TMEM163: variants seen among roughly 807,000 people sequenced by gnomAD.
The protein encoded by TMEM163 is transmembrane protein 163.
Under a neutral mutation model 29.3 loss-of-function variants are expected in TMEM163, and 17 were observed. The ratio of observed to expected loss-of-function variants is 0.58; its 90% CI spans 0.40 to 0.87. The LOEUF (loss-of-function observed/expected upper bound fraction) is 0.87, where lower values mean the gene tolerates loss of function less well. TMEM163 is among the 40% of genes least tolerant of loss of function. TMEM163 has a pLI of 0.00. For synonymous variants in TMEM163, 157 were observed against 160.6 expected, an observed-to-expected ratio of 0.98 and a Z score of 0.17; for missense variants, 303 against 381.5, an observed-to-expected ratio of 0.79 and a Z score of 1.71.
rs148442343 is a variant in TMEM163 at position 134,478,188 on chromosome 2, A to T, written c.556-11963T>A. Among the ~76,000 whole-genome samples the T allele has an allele frequency of 2.0e-5, 3 of 152,192 alleles. No individual in the cohort carries two copies. The South Asian group carries it at 6.2e-4, about 32-fold the overall frequency. ...TCCAGCAGATGTTGGTGCCATGATT[A>T]TACAGCCTGTAGAACCATGAGTCAG... On this transcript the variant is annotated intron_variant, in intron 5 of 7. Coordinates refer to ENST00000281924, the MANE Select transcript of TMEM163 (RefSeq NM_030923.5).
At chr2:134,501,531 G>C (rs1198559320) in intron 5 of TMEM163, among the ~76,000 whole-genome samples, 1 of 152,332 alleles carries the variant, frequency 6.6e-6, no homozygotes, top group Non-Finnish European at 1.5e-5. Flanking sequence ...ATTTCTCAGA[G>C]TGGAGGCATA....
Position 134,561,940 on chromosome 2 carries a change from G to C in TMEM163, c.323-9849C>G, listed in dbSNP as rs1421347676. ...AATTTGATAAAACATACATTTTAAA[G>C]CCTTATGTTTCCCTTAATCATAGAA... On this transcript the variant is annotated intron_variant, in intron 2 of 7. Coordinates refer to ENST00000281924, the MANE Select transcript of TMEM163 (RefSeq NM_030923.5). Among the ~76,000 whole-genome samples the C allele has an allele frequency of 2.6e-5, 4 of 152,310 alleles. No homozygotes were observed. The East Asian group carries it at 7.7e-4, about 29-fold the overall frequency.
chr2:134,616,005 C>A (rs1682602207), intron 2 of TMEM163, among the ~76,000 whole-genome samples: 1 of 152,080 alleles, frequency 6.6e-6, no homozygotes, highest in South Asian at 2.1e-4. Context: ...GATCAAGATC[C>A]TGAAGCATTT....
At chr2:134,583,528 C>T (rs1254748068) in intron 2 of TMEM163, among the ~76,000 whole-genome samples, 6 of 152,144 alleles carry the variant, frequency 3.9e-5, no homozygotes, top group East Asian at 1.9e-4. Flanking sequence ...GAGAAGGCCA[C>T]GACCCCTAGA....
chr2:134,592,804 T>A (rs56253582), intron 2 of TMEM163, among the ~76,000 whole-genome samples: 1 of 151,264 alleles, frequency 6.6e-6, no homozygotes, highest in African/African-American at 2.4e-5. Flanking sequence ...TAGATATAGA[T>A]AGATAGACTA....
chr2:134,541,795 CACACACAT>C lies in TMEM163; in HGVS notation c.458+8767_458+8774del, dbSNP rs1376115353. Among the ~76,000 whole-genome samples, 1,506 of 151,146 alleles carry C rather than the reference CACACACAT, an allele frequency of 1.0e-2. 23 individuals are homozygous for C. Among genetic ancestry groups the C allele is most frequent in the African/African-American group, 0.035 (1,425 of 41,118 alleles). Reference sequence around the variant, plus strand: ...GTGCACACACACACACACACACACACACACACATACACACACACGGAGCATACATCAAA... The same window carrying C: ...GTGCACACACACACACACACACACACACACACACACGGAGCATACATCAAA... On this transcript the variant is annotated intron_variant, in intron 4 of 7. Transcript: ENST00000281924.
chr2:134,504,198 C>T (rs540122), intron 4 of TMEM163, among the ~76,000 whole-genome samples: 60,576 of 152,088 alleles, frequency 0.4, 12,267 homozygotes, highest in South Asian at 0.59. Context: ...CCATCCTCCA[C>T]ATTTAGGAGT....
At chr2:134,512,557 G>C (rs1331593746) in intron 4 of TMEM163, among the ~76,000 whole-genome samples, 1 of 152,198 alleles carries the variant, frequency 6.6e-6, no homozygotes, top group Non-Finnish European at 1.5e-5. Flanking sequence ...ATGTTCCAGG[G>C]AAAAGGAAGG....
chr2:134,578,594 T>C (rs1305168560), intron 2 of TMEM163, among the ~76,000 whole-genome samples: 1 of 152,186 alleles, frequency 6.6e-6, no homozygotes, highest in Non-Finnish European at 1.5e-5. Context: ...TCCCCCACAG[T>C]ACAATTAGTG....
intron 2 of TMEM163, among the ~76,000 whole-genome samples, chr2:134,700,931 TA>T (rs1574349840): frequency 1.4e-5 from 2 of 141,930 alleles, no homozygotes; most frequent in African/African-American, 2.7e-5. Context: ...AATAAATAAA[TA>T]AATAAATAAA....
chr2:134,676,469 A>T (rs1033280329), intron 2 of TMEM163, among the ~76,000 whole-genome samples: 3 of 152,190 alleles, frequency 2.0e-5, no homozygotes, highest in Non-Finnish European at 4.4e-5. Flanking sequence ...TATATATATA[A>T]ATATTCATAT....
intron 5 of TMEM163, among the ~76,000 whole-genome samples, chr2:134,500,932 T>G (rs1361608875): frequency 6.6e-6 from 1 of 152,160 alleles, no homozygotes. Context: ...TGAACAATAA[T>G]ATACTATATA....
intron 2 of TMEM163, among the ~76,000 whole-genome samples, chr2:134,578,749 T>C (rs1312612330): frequency 6.6e-6 from 1 of 151,946 alleles, no homozygotes; most frequent in South Asian, 2.1e-4. Context: ...AAATAACTGG[T>C]TTGAGTGTGT....
At chr2:134,480,050 C>A (rs1687012840) in intron 5 of TMEM163, among the ~76,000 whole-genome samples, 1 of 152,210 alleles carries the variant, frequency 6.6e-6, no homozygotes, top group South Asian at 2.1e-4. Flanking sequence ...CTGCACTGCC[C>A]CATACGCAGT....
At chr2:134,529,667 C>T (rs1188060290) in intron 4 of TMEM163, among the ~76,000 whole-genome samples, 2 of 151,810 alleles carry the variant, frequency 1.3e-5, no homozygotes, top group Admixed American at 1.3e-4. Flanking sequence ...GCAAGAGAAT[C>T]ACTTGAACCC....
chr2:134,588,207 G>T (rs1361503343), intron 2 of TMEM163, among the ~76,000 whole-genome samples: 1 of 152,180 alleles, frequency 6.6e-6, no homozygotes, highest in Non-Finnish European at 1.5e-5. Context: ...AATCAGCCAG[G>T]CCACAGTCCT....
chr2:134,718,650 C>A (rs905165555), intron 1 of TMEM163, 84 bp downstream of exon 1: 1 of 1,031,810 alleles, frequency 9.7e-7, no homozygotes, highest in South Asian at 4.6e-5. Flanking sequence ...CCCCGCGCCT[C>A]GCCCAGCGCG....
intron 2 of TMEM163, among the ~76,000 whole-genome samples, chr2:134,593,014 C>A (rs77556429): frequency 1.3e-3 from 201 of 152,238 alleles, no homozygotes; most frequent in African/African-American, 4.7e-3. Flanking sequence ...GCTCCAGGAG[C>A]TTCTGTTTTA....
intron 4 of TMEM163, among the ~76,000 whole-genome samples, chr2:134,544,799 A>C (rs903198287): frequency 5.3e-5 from 8 of 152,126 alleles, no homozygotes; most frequent in African/African-American, 1.9e-4. Context: ...TGTCTCAATA[A>C]ATAAATAAAT....
Sources: gnomAD v4.1 joint callset for allele counts (sites outside exome capture counted in the v4.1 genomes callset) on GRCh38, gnomAD v4.1.1 for gene constraint, MANE v1.5 for transcripts, NCBI Gene and HGNC (gene_info 2026-07-23, HGNC 2026-07-21) for gene names.